FYB1: variants seen among roughly 807,000 people sequenced by gnomAD.
FYB1 encodes the protein FYN-binding protein 1.
Under a neutral mutation model 94.1 loss-of-function variants are expected in FYB1, and 41 were observed. That is an observed-to-expected ratio of 0.44 (90% CI 0.34 to 0.57). The LOEUF is 0.57. FYB1 is among the 20% of genes least tolerant of loss of function. The pLI is 0.02. For synonymous variants in FYB1, 367 were observed against 353.2 expected (o/e 1.04, Z -0.44); for missense variants, 1,050 against 976.8 (o/e 1.07, Z -1.00).
Position 39,202,302 on chromosome 5 carries a change from G to T in FYB1, c.659C>A (p.Ser220Tyr). 6.2e-7 allele frequency: 1 copy of T among 1,613,918 alleles called. No individual in the cohort carries two copies. The change falls in exon 2 of 19, where the codon TCT becomes TAT. Residue 220 changes from serine (S) to tyrosine (Y), a missense_variant. Coordinates refer to ENST00000512982, the MANE Select transcript of FYB1 (RefSeq NM_001465.6). ...GGGAGCTGGGGACCCTTTTGATGAAGACACATTCTTCATGGGGCTTTCGTC... is the reference window on the plus strand; with the variant it reads ...GGGAGCTGGGGACCCTTTTGATGAATACACATTCTTCATGGGGCTTTCGTC... The part of the protein sequence containing the change: ...HEDESPMKNV[S>Y]SSKGSPAPLG...
intron 1 of FYB1, among the ~76,000 whole-genome samples, chr5:39,252,698 C>T (rs904593633): frequency 2.2e-5 from 3 of 134,844 alleles, no homozygotes. Context: ...TACCGCTAGA[C>T]TGGGTTGGTG....
intron 2 of FYB1, among the ~76,000 whole-genome samples, chr5:39,187,741 C>A (rs1746970773): frequency 6.6e-6 from 1 of 152,134 alleles, no homozygotes; most frequent in Non-Finnish European, 1.5e-5. Context: ...ATAGAGGCAG[C>A]TCTTAGACTG....
intron 5 of FYB1, 117 bp downstream of exon 5, chr5:39,139,116 T>C (rs1741919557): frequency 9.3e-7 from 1 of 1,076,646 alleles, no homozygotes; most frequent in Non-Finnish European, 1.3e-6. Context: ...AATGGAAAAA[T>C]ATCATTGCTC....
intron 14 of FYB1, among the ~76,000 whole-genome samples, chr5:39,120,555 A>G (rs11957545): frequency 0.039 from 5,980 of 152,206 alleles, 423 homozygotes; most frequent in African/African-American, 0.14. Context: ...TAGTCTGAGC[A>G]AGGTCCAGGT....
At chr5:39,157,495 G>A (rs1743861093) in intron 2 of FYB1, among the ~76,000 whole-genome samples, 1 of 152,078 alleles carries the variant, frequency 6.6e-6, no homozygotes, top group Non-Finnish European at 1.5e-5. Context: ...GTAGGAAATA[G>A]GCTCTTAAAG....
At chr5:39,137,450 C>CA (rs1449325906) in intron 7 of FYB1, 150 bp downstream of exon 7, 2 of 869,024 alleles carry the variant, frequency 2.3e-6, no homozygotes, top group Non-Finnish European at 3.3e-6. Flanking sequence ...GTGTATTGGA[C>CA]AAAAAAGTAC....
At chr5:39,249,226 C>A (rs1161854724) in intron 1 of FYB1, among the ~76,000 whole-genome samples, 1 of 152,168 alleles carries the variant, frequency 6.6e-6, no homozygotes, top group Admixed American at 6.5e-5. Context: ...GAATGCCAGC[C>A]TTACATGTGA....
chr5:39,110,678 T>C (rs921839971), intron 16 of FYB1: 2 of 311,442 alleles, frequency 6.4e-6, no homozygotes. Flanking sequence ...TAAGCTACTG[T>C]AGGCTGTAGC....
intron 1 of FYB1, among the ~76,000 whole-genome samples, chr5:39,264,924 G>A (rs184132866): frequency 6.6e-6 from 1 of 152,124 alleles, no homozygotes; most frequent in African/African-American, 2.4e-5. Context: ...CTCAGTGCAA[G>A]GTATTTTATT....
chr5:39,211,643 C>T (rs1749403379), intron 1 of FYB1, among the ~76,000 whole-genome samples: 1 of 152,042 alleles, frequency 6.6e-6, no homozygotes, highest in African/African-American at 2.4e-5. Flanking sequence ...CATGTACACC[C>T]CAACAAAAAC....
intron 2 of FYB1, among the ~76,000 whole-genome samples, chr5:39,162,187 T>C (rs1262966800): frequency 2.6e-5 from 4 of 152,210 alleles, no homozygotes; most frequent in African/African-American, 9.6e-5. Context: ...TCATTTCTCC[T>C]GGGTAAATAC....
chr5:39,212,023 T>C lies in FYB1; in HGVS notation c.-28+7420A>G, dbSNP rs1203775102. On this transcript the variant is annotated intron_variant, in intron 1 of 18. Transcript: ENST00000512982. ...GCTAACCAAGACAGGTGGCAGCAGC[T>C]GGGCACAATGGGTGGCTCAGGCCTG... 2.6e-5 allele frequency among the ~76,000 whole-genome samples: 4 copies of C among 152,300 alleles called. No individual in the cohort carries two copies. The East Asian group carries it at 7.7e-4, about 29-fold the overall frequency.
In FYB1 at chr5:39,202,867, T is replaced by C; in HGVS notation, c.94A>G (p.Ile32Val). ...RVTGPNSSSGIQARKNLFNNQ... is the reference protein window; with the variant it reads ...RVTGPNSSSGVQARKNLFNNQ... ...TTGAATAAGTTCTTTCTTGCTTGTATTCCTGAAGATGAGTTTGGCCCTGTG... is the reference window on the plus strand; with the variant it reads ...TTGAATAAGTTCTTTCTTGCTTGTACTCCTGAAGATGAGTTTGGCCCTGTG... Residue 32 changes from isoleucine (I) to valine (V), a missense_variant, in exon 2 of 19, where the codon ATA (isoleucine) becomes GTA (valine). Transcript: ENST00000512982. The C allele has an allele frequency of 6.2e-7, 1 of 1,614,016 alleles. No homozygotes were observed. Among genetic ancestry groups the C allele is most frequent in the Non-Finnish European group, 8.5e-7 (1 of 1,179,894 alleles).
intron 13 of FYB1, among the ~76,000 whole-genome samples, chr5:39,123,007 G>A (rs926265367): frequency 6.6e-6 from 1 of 152,076 alleles, no homozygotes; most frequent in African/African-American, 2.4e-5. Context: ...AAGTTGTCAT[G>A]ATCTTAACTG....
chr5:39,248,728 TCAGGAGTCTGAGA>T (rs1374947599), intron 1 of FYB1, among the ~76,000 whole-genome samples: 2 of 152,086 alleles, frequency 1.3e-5, no homozygotes, highest in African/African-American at 4.8e-5. Context: ...TCCCAGCTAC[TCAGGAGTCTGAGA>T]CAGGAGAATC....
At chr5:39,231,213 G>C (rs1312275637) in intron 1 of FYB1, among the ~76,000 whole-genome samples, 2 of 150,160 alleles carry the variant, frequency 1.3e-5, no homozygotes, top group African/African-American at 4.9e-5. Flanking sequence ...TTCAGCTGCT[G>C]TTGCCCTGGG....
At chr5:39,208,799 G>A (rs1396675386) in intron 1 of FYB1, 1 of 152,174 alleles carries the variant, frequency 6.6e-6, no homozygotes, top group Non-Finnish European at 1.5e-5. Flanking sequence ...ACAAAGGCCT[G>A]ACCAGGAGGT....
At chr5:39,252,599 C>T (rs1259308257) in intron 1 of FYB1, among the ~76,000 whole-genome samples, 1 of 152,192 alleles carries the variant, frequency 6.6e-6, no homozygotes, top group Non-Finnish European at 1.5e-5. Context: ...AGTTAACTAA[C>T]AATCTGGTAC....
At chr5:39,111,296 C>T (rs901552421) in intron 16 of FYB1, among the ~76,000 whole-genome samples, 2 of 151,954 alleles carry the variant, frequency 1.3e-5, no homozygotes, top group African/African-American at 2.4e-5. Context: ...TTCCTCAATA[C>T]AATCTCTAAA....
Sources: gnomAD v4.1 joint callset for allele counts (sites outside exome capture counted in the v4.1 genomes callset) on GRCh38, gnomAD v4.1.1 for gene constraint, MANE v1.5 for transcripts, NCBI Gene and HGNC (gene_info 2026-07-23, HGNC 2026-07-21) for gene names.